UBAP2: variants seen among roughly 807,000 people sequenced by gnomAD.
UBAP2 encodes the protein ubiquitin associated protein 2, also known as ubiquitin-associated protein 2.
In UBAP2, 75 loss-of-function variants were observed where a neutral mutation model predicts 139.6. The observed-to-expected ratio is 0.54, with a 90% CI of 0.45 to 0.65. The LOEUF (loss-of-function observed/expected upper bound fraction) is 0.65. Among genes scored for constraint, UBAP2 ranks in the 30% least tolerant of loss-of-function variants. The pLI, the probability that UBAP2 is intolerant of heterozygous loss-of-function variation, is 0.00. For synonymous variants in UBAP2, 526 were observed against 526.2 expected (o/e 1.00, Z 0.01); for missense variants, 1,368 against 1,369.6 (o/e 1.00, Z 0.02).
At chr9:34,049,064 G>A (rs926559611), upstream of UBAP2, 5 of 152,288 alleles carry the variant, frequency 3.3e-5, no homozygotes, top group African/African-American at 1.2e-4. Context: ...CCAACCGCGT[G>A]GAGGTGGGGA....
At chr9:34,016,271 A>AG (rs1441669484) in intron 2 of UBAP2, among the ~76,000 whole-genome samples, 5 of 21,386 alleles carry the variant, frequency 2.3e-4, no homozygotes, top group Non-Finnish European at 5.6e-4. Context: ...GAGGAGGAAG[A>AG]GAAGGAGGAA....
chr9:34,037,816 TCA>T (rs1272510349), intron 1 of UBAP2, among the ~76,000 whole-genome samples: 1 of 151,814 alleles, frequency 6.6e-6, no homozygotes, highest in Non-Finnish European at 1.5e-5. Context: ...TAAAAATACT[TCA>T]GTGACAATAT....
chr9:33,982,059 C>G (rs1018852655), intron 6 of UBAP2, among the ~76,000 whole-genome samples: 6 of 152,114 alleles, frequency 3.9e-5, no homozygotes, highest in Non-Finnish European at 8.8e-5. Flanking sequence ...CATCACATAT[C>G]TGGCAGATCC....
chr9:34,047,800 G>A (rs1170579671), intron 1 of UBAP2, among the ~76,000 whole-genome samples: 1 of 152,160 alleles, frequency 6.6e-6, no homozygotes, highest in Non-Finnish European at 1.5e-5. Flanking sequence ...GGCAACATAT[G>A]GAGACCATAT....
intron 8 of UBAP2, 41 bp downstream of exon 8, chr9:33,971,610 A>G (rs1270366376): frequency 8.7e-7 from 1 of 1,153,150 alleles, no homozygotes; most frequent in African/African-American, 1.5e-5. Flanking sequence ...TTAATAGCTC[A>G]AACATTTAAA....
intron 1 of UBAP2, among the ~76,000 whole-genome samples, chr9:34,021,219 G>C (rs934944033): frequency 3.3e-5 from 5 of 152,266 alleles, no homozygotes; most frequent in Admixed American, 3.3e-4. Flanking sequence ...TTCTGTGTTA[G>C]CTGCACTAAT....
chr9:34,009,252 C>T (rs924553088), intron 2 of UBAP2, among the ~76,000 whole-genome samples: 2 of 151,852 alleles, frequency 1.3e-5, no homozygotes, highest in Non-Finnish European at 2.9e-5. Flanking sequence ...GTGCACACCA[C>T]CACGGCCAGC....
chr9:33,955,786 C>A (rs1826510169), intron 11 of UBAP2, among the ~76,000 whole-genome samples: 1 of 150,714 alleles, frequency 6.6e-6, no homozygotes, highest in African/African-American at 2.4e-5. Context: ...GAGATAGCGC[C>A]ACTGCACTCT....
intron 1 of UBAP2, among the ~76,000 whole-genome samples, chr9:34,021,311 G>C (rs1050206018): frequency 2.6e-5 from 4 of 152,136 alleles, no homozygotes; most frequent in African/African-American, 9.7e-5. Context: ...TTACATTATA[G>C]TAACAACCAA....
At chr9:33,958,222 A>G (rs1030071788) in intron 10 of UBAP2, among the ~76,000 whole-genome samples, 4 of 152,064 alleles carry the variant, frequency 2.6e-5, no homozygotes, top group African/African-American at 4.8e-5. Flanking sequence ...TCAGCCTCCC[A>G]AAGTGCTAGG....
intron 1 of UBAP2, among the ~76,000 whole-genome samples, chr9:34,037,224 G>C (rs1179374732): frequency 2.0e-5 from 3 of 151,996 alleles, no homozygotes; most frequent in African/African-American, 7.2e-5. Flanking sequence ...TCCTGACCTC[G>C]TGATCCGCCC....
At chr9:34,039,250 G>A (rs2131363560) in intron 1 of UBAP2, among the ~76,000 whole-genome samples, 1 of 146,084 alleles carries the variant, frequency 6.8e-6, no homozygotes, top group African/African-American at 2.5e-5. Context: ...GCCTCCGCCT[G>A]GCCGCCGCCC....
At chr9:33,944,105 C>G (rs1054843357) in intron 14 of UBAP2, among the ~76,000 whole-genome samples, 1 of 152,126 alleles carries the variant, frequency 6.6e-6, no homozygotes, top group African/African-American at 2.4e-5. Context: ...TGGGATACAG[C>G]AAAACCCTCA....
chr9:33,979,200 T>TC (rs1820420332), intron 6 of UBAP2, among the ~76,000 whole-genome samples: 1 of 152,210 alleles, frequency 6.6e-6, no homozygotes, highest in African/African-American at 2.4e-5. Context: ...ATCATGCCAC[T>TC]GTACTCCAGG....
At chr9:34,045,354 A>G (rs1183768387) in intron 1 of UBAP2, among the ~76,000 whole-genome samples, 15 of 151,396 alleles carry the variant, frequency 9.9e-5, no homozygotes, top group South Asian at 2.1e-4. Context: ...AAAAAAAAAA[A>G]GGGTAGAAAA....
intron 1 of UBAP2, among the ~76,000 whole-genome samples, chr9:34,039,833 T>C (rs1826878865): frequency 1.2e-5 from 1 of 80,698 alleles, no homozygotes; most frequent in South Asian, 3.8e-4. Context: ...CACCCAAGAA[T>C]GATCAATAAA....
chr9:34,034,028 G>C (rs770210607), intron 1 of UBAP2, among the ~76,000 whole-genome samples: 1 of 152,034 alleles, frequency 6.6e-6, no homozygotes, highest in African/African-American at 2.4e-5. Flanking sequence ...GACCCACCAC[G>C]CCCGGCTTCA....
chr9:33,994,304 T>C (rs1821965078), intron 4 of UBAP2, among the ~76,000 whole-genome samples: 1 of 152,226 alleles, frequency 6.6e-6, no homozygotes, highest in East Asian at 1.9e-4. Flanking sequence ...ATTTAAAACT[T>C]AAAAATTCAC....
rs892090448 is a variant in UBAP2 at position 33,935,167 on chromosome 9, G to GC, written c.1969+671_1969+672insG. Among the ~76,000 whole-genome samples, 209 of 143,234 alleles carry GC rather than the reference G, an allele frequency of 1.5e-3. 15 individuals are homozygous for GC. Among genetic ancestry groups the GC allele is most frequent in the Middle Eastern group, 7.0e-3 (2 of 286 alleles). The allele number at this position is 143,234 out of a possible 152,430, so 94.0% of individuals were successfully genotyped here. ...TCACTGAGCTGTTGGAAGTGGCGGG[G>GC]GGGGGGGGTCTCATTTTCTCCCAAA... is the stretch of plus-strand genomic sequence containing the variant. On this transcript the variant is annotated intron_variant, in intron 17 of 28. Transcript: ENST00000379238.
Sources: allele counts gnomAD v4.1 joint callset (sites outside exome capture counted in the v4.1 genomes callset), GRCh38; gene constraint gnomAD v4.1.1; transcripts MANE v1.5; gene names NCBI Gene and HGNC (gene_info 2026-07-23, HGNC 2026-07-21).